Variants in CLSTN2 observed in about 807,000 individuals in gnomAD.
The protein encoded by CLSTN2 is calsyntenin-2.
In CLSTN2, 48 loss-of-function variants were observed where a neutral mutation model predicts 101.2. The ratio of observed to expected loss-of-function variants is 0.47; its 90% CI spans 0.38 to 0.60. CLSTN2 has a LOEUF of 0.60. CLSTN2 is among the 20% of genes least tolerant of loss of function. The probability of loss-of-function intolerance (pLI) is 0.00; values close to 1 mark genes in which losing one functional copy is unlikely to be tolerated. For synonymous variants in CLSTN2, 481 were observed against 463.6 expected (o/e 1.04, Z -0.48); for missense variants, 1,160 against 1,238.2 (o/e 0.94, Z 0.95).
rs111418321 is a variant in CLSTN2, at chr3:140,359,414, T to C, written c.233-44215T>C. Among the ~76,000 whole-genome samples the C allele has an allele frequency of 2.2e-3, 332 of 152,324 alleles. 2 individuals carry two copies. The highest frequency in any genetic ancestry group is 7.4e-3 in the African/African-American group (308 of 41,580). ...TTTAATTGAGTCAGCATAAAAATAA[T>C]TTTGATAGTTAGCCAGGGCTGCACT... On this transcript the variant is annotated intron_variant, in intron 2 of 16. Coordinates refer to ENST00000458420, the MANE Select transcript of CLSTN2 (RefSeq NM_022131.3).
chr3:139,943,779 C>T (rs1172219215), intron 1 of CLSTN2, among the ~76,000 whole-genome samples: 1 of 152,232 alleles, frequency 6.6e-6, no homozygotes, highest in African/African-American at 2.4e-5. Flanking sequence ...CCTCCAACCT[C>T]TCCCATCCCA....
At chr3:140,025,199 C>T (rs1239462265) in intron 1 of CLSTN2, among the ~76,000 whole-genome samples, 2 of 152,190 alleles carry the variant, frequency 1.3e-5, no homozygotes, top group South Asian at 2.1e-4. Context: ...TTTCTGTTTA[C>T]TCTCTTGGAT....
chr3:140,456,947 C>T (rs756420680), intron 6 of CLSTN2, among the ~76,000 whole-genome samples: 2 of 152,198 alleles, frequency 1.3e-5, no homozygotes, highest in African/African-American at 2.4e-5. Context: ...GCATGGTCCT[C>T]TCTGCTGTGT....
At chr3:140,559,108 A>G (rs1214000420) in intron 12 of CLSTN2, among the ~76,000 whole-genome samples, 1 of 152,020 alleles carries the variant, frequency 6.6e-6, no homozygotes, top group African/African-American at 2.4e-5. Context: ...GTAAGTGAAA[A>G]AATGCAAGAC....
chr3:140,313,632 T>G (rs755954964), intron 2 of CLSTN2, among the ~76,000 whole-genome samples: 1 of 152,168 alleles, frequency 6.6e-6, no homozygotes, highest in Non-Finnish European at 1.5e-5. Context: ...AAGAGTGAAA[T>G]GACGCAGAGC....
intron 1 of CLSTN2, among the ~76,000 whole-genome samples, chr3:140,004,779 C>T (rs190983822): frequency 6.6e-6 from 1 of 152,218 alleles, no homozygotes; most frequent in Non-Finnish European, 1.5e-5. Flanking sequence ...TTATCTTTGG[C>T]CAGTTCACAA....
chr3:140,531,891 T>C (rs1292199831), intron 8 of CLSTN2, among the ~76,000 whole-genome samples: 2 of 152,206 alleles, frequency 1.3e-5, no homozygotes, highest in African/African-American at 4.8e-5. Context: ...AGTGAGATCC[T>C]TGGTTCCTGA....
chr3:140,266,166 C>G (rs1489853767), intron 2 of CLSTN2, among the ~76,000 whole-genome samples: 1 of 152,136 alleles, frequency 6.6e-6, no homozygotes, highest in African/African-American at 2.4e-5. Context: ...GGCACACCCC[C>G]CATTATCCTG....
At chr3:140,071,023 A>G (rs2008382876) in intron 1 of CLSTN2, among the ~76,000 whole-genome samples, 1 of 152,234 alleles carries the variant, frequency 6.6e-6, no homozygotes, top group Non-Finnish European at 1.5e-5. Flanking sequence ...TTGGCACGGC[A>G]AGACTAGCCT....
chr3:140,151,068 G>A (rs1280507970), intron 1 of CLSTN2, among the ~76,000 whole-genome samples: 2 of 152,084 alleles, frequency 1.3e-5, no homozygotes, highest in African/African-American at 2.4e-5. Flanking sequence ...CTTGGTGGCT[G>A]ACATGGGTCT....
At chr3:140,310,619 G>T (rs1444052198) in intron 2 of CLSTN2, among the ~76,000 whole-genome samples, 1 of 152,080 alleles carries the variant, frequency 6.6e-6, no homozygotes, top group Non-Finnish European at 1.5e-5. Flanking sequence ...TTGTTTACAG[G>T]TCTCCCTCCC....
intron 2 of CLSTN2, among the ~76,000 whole-genome samples, chr3:140,270,504 A>C (rs371184092): frequency 6.6e-6 from 1 of 152,276 alleles, no homozygotes; most frequent in Admixed American, 6.5e-5. Context: ...CAAGCTAAGA[A>C]TGGAAAACCA....
At chr3:140,353,140 T>C (rs937601950) in intron 2 of CLSTN2, among the ~76,000 whole-genome samples, 4 of 151,868 alleles carry the variant, frequency 2.6e-5, no homozygotes, top group Non-Finnish European at 4.4e-5. Flanking sequence ...AATACTATGC[T>C]ATTTTTATCA....
At chr3:140,281,968 T>C (rs2086851553) in intron 2 of CLSTN2, among the ~76,000 whole-genome samples, 1 of 152,002 alleles carries the variant, frequency 6.6e-6, no homozygotes, top group African/African-American at 2.4e-5. Flanking sequence ...GCCACACTAA[T>C]CCCAATGAAA....
intron 5 of CLSTN2, among the ~76,000 whole-genome samples, chr3:140,422,607 C>A (rs539539619): frequency 6.6e-6 from 1 of 152,096 alleles, no homozygotes; most frequent in Non-Finnish European, 1.5e-5. Context: ...GTAAAGGAAC[C>A]ACAGGTAAGG....
intron 5 of CLSTN2, among the ~76,000 whole-genome samples, chr3:140,448,308 G>A (rs1933145414): frequency 6.6e-6 from 1 of 152,126 alleles, no homozygotes; most frequent in South Asian, 2.1e-4. Context: ...GTGCAGCTGG[G>A]TGCAGTTTTC....
chr3:140,455,140 T>C (rs1002451848), intron 6 of CLSTN2, among the ~76,000 whole-genome samples: 2 of 152,252 alleles, frequency 1.3e-5, no homozygotes, highest in Non-Finnish European at 2.9e-5. Context: ...TAAATGTCTA[T>C]TGGCATAATA....
chr3:140,423,181 AG>A, intron 5 of CLSTN2, among the ~76,000 whole-genome samples: 1 of 152,346 alleles, frequency 6.6e-6, no homozygotes, highest in Admixed American at 6.5e-5. Flanking sequence ...ATTTCCTAAC[AG>A]AATTTGTACT....
Position 140,168,122 on chromosome 3 carries a change from CTG to C in CLSTN2, c.110-7827_110-7826del, listed in dbSNP as rs1468119926. Among the ~76,000 whole-genome samples, 3 of 152,284 alleles carry C rather than the reference CTG, an allele frequency of 2.0e-5. No homozygotes were observed. The East Asian group carries it at 5.8e-4, about 29-fold the overall frequency. Reference sequence around the variant, plus strand: ...TATAAGAAACTATTTTGCAAAGTGACTGTATTAGTCTTACATTCTTACCAACA... The same window carrying C: ...TATAAGAAACTATTTTGCAAAGTGACTATTAGTCTTACATTCTTACCAACA... On this transcript the variant is annotated intron_variant, in intron 1 of 16. Transcript: ENST00000458420.
Sources: allele counts gnomAD v4.1 joint callset (sites outside exome capture counted in the v4.1 genomes callset), GRCh38; gene constraint gnomAD v4.1.1; transcripts MANE v1.5; gene names NCBI Gene and HGNC (gene_info 2026-07-23, HGNC 2026-07-21).